Variants in DOCK2 observed in about 807,000 individuals in gnomAD.
The protein encoded by DOCK2 is dedicator of cytokinesis 2.
In DOCK2, 87 loss-of-function variants were observed where a neutral mutation model predicts 248.9. That is an observed-to-expected ratio of 0.35 (90% CI 0.29 to 0.42). The LOEUF (loss-of-function observed/expected upper bound fraction) is 0.42, where lower values mean the gene tolerates loss of function less well. DOCK2 is among the 10% of genes least tolerant of loss of function. The probability of loss-of-function intolerance (pLI) is 1.00; values close to 1 mark genes in which losing one functional copy is unlikely to be tolerated. For missense variants in DOCK2, 1,747 were observed against 2,300.2 expected (o/e 0.76, Z 4.92); for synonymous variants, 805 against 821.6 (o/e 0.98, Z 0.35).
intron 2 of DOCK2, among the ~76,000 whole-genome samples, chr5:169,663,589 G>C (rs1378820722): frequency 6.6e-6 from 1 of 152,188 alleles, no homozygotes; most frequent in East Asian, 1.9e-4. Flanking sequence ...CTCAACTCTT[G>C]TCTCCTGTGC....
intron 27 of DOCK2, chr5:169,881,289 A>C: frequency 8.3e-7 from 1 of 1,210,400 alleles, no homozygotes; most frequent in Non-Finnish European, 1.2e-6. Flanking sequence ...GACTTTTTGC[A>C]TTTAAAAGTT....
chr5:170,012,087 G>A (rs1755319976), intron 32 of DOCK2, among the ~76,000 whole-genome samples: 1 of 152,154 alleles, frequency 6.6e-6, no homozygotes, highest in African/African-American at 2.4e-5. Flanking sequence ...ACATTCCTAA[G>A]GTCAAAAACA....
chr5:170,062,136 A>AG (rs746314434), intron 44 of DOCK2, among the ~76,000 whole-genome samples: 74 of 150,200 alleles, frequency 4.9e-4, no homozygotes, highest in Non-Finnish European at 9.0e-4. Context: ...TGTGAGAGAG[A>AG]GAGAGAGAGA....
chr5:169,713,811 G>A (rs1761719612), intron 17 of DOCK2, among the ~76,000 whole-genome samples: 1 of 152,136 alleles, frequency 6.6e-6, no homozygotes, highest in Non-Finnish European at 1.5e-5. Flanking sequence ...TTCACCTGGT[G>A]GATCAACCCC....
At chr5:169,796,926 C>T (rs984993445) in intron 25 of DOCK2, among the ~76,000 whole-genome samples, 2 of 152,164 alleles carry the variant, frequency 1.3e-5, no homozygotes, top group Non-Finnish European at 2.9e-5. Context: ...TCACAGATGG[C>T]CTCCAGCCAT....
chr5:169,889,745 A>T (rs1171587494), intron 27 of DOCK2, among the ~76,000 whole-genome samples: 2 of 152,228 alleles, frequency 1.3e-5, no homozygotes, highest in African/African-American at 4.8e-5. Flanking sequence ...GACAATATGT[A>T]AACAAATGGC....
intron 27 of DOCK2, among the ~76,000 whole-genome samples, chr5:169,877,259 C>T (rs987987541): frequency 2.6e-5 from 4 of 152,130 alleles, no homozygotes; most frequent in South Asian, 2.1e-4. Context: ...GATTGTTTAG[C>T]GGGGGAGTGA....
intron 22 of DOCK2, among the ~76,000 whole-genome samples, chr5:169,734,664 C>T (rs1762945155): frequency 6.6e-6 from 1 of 152,196 alleles, no homozygotes; most frequent in African/African-American, 2.4e-5. Flanking sequence ...AGAATTCTCA[C>T]TGGAGATATG....
At chr5:170,003,466 A>G (rs1227078817) in intron 30 of DOCK2, among the ~76,000 whole-genome samples, 1 of 152,264 alleles carries the variant, frequency 6.6e-6, no homozygotes, top group Non-Finnish European at 1.5e-5. Flanking sequence ...GTTGCACACA[A>G]TAAGTGCTCC....
At chr5:169,924,601 A>G (rs1775339634) in intron 27 of DOCK2, among the ~76,000 whole-genome samples, 1 of 152,198 alleles carries the variant, frequency 6.6e-6, no homozygotes, top group Non-Finnish European at 1.5e-5. Flanking sequence ...CTATTCAATC[A>G]TGCTGAAGTT....
chr5:169,843,178 T>A (rs1370480674), intron 27 of DOCK2, among the ~76,000 whole-genome samples: 2 of 152,226 alleles, frequency 1.3e-5, no homozygotes, highest in Non-Finnish European at 2.9e-5. Context: ...CCTCTTTCTT[T>A]GCCTGAAATT....
intron 29 of DOCK2, among the ~76,000 whole-genome samples, chr5:169,986,329 C>G (rs542209279): frequency 6.6e-5 from 10 of 152,284 alleles, no homozygotes; most frequent in Admixed American, 3.3e-4. Context: ...AGGACTTCTT[C>G]AAGCTTTTAA....
intron 26 of DOCK2, among the ~76,000 whole-genome samples, chr5:169,836,704 G>A (rs1310975564): frequency 6.6e-6 from 1 of 152,104 alleles, no homozygotes; most frequent in Non-Finnish European, 1.5e-5. Flanking sequence ...ACTGTTTGCT[G>A]CCTGCTCTGA....
intron 27 of DOCK2, among the ~76,000 whole-genome samples, chr5:169,949,517 A>G (rs533663123): frequency 1.9e-4 from 29 of 151,910 alleles, no homozygotes; most frequent in Admixed American, 1.2e-3. Context: ...TGGAGCCTGG[A>G]ACTCCATACT....
intron 2 of DOCK2, among the ~76,000 whole-genome samples, chr5:169,660,794 T>C (rs1445895178): frequency 6.6e-6 from 1 of 152,230 alleles, no homozygotes; most frequent in African/African-American, 2.4e-5. Flanking sequence ...GACAGGTCAC[T>C]TTGAAAAGGA....
intron 26 of DOCK2, among the ~76,000 whole-genome samples, chr5:169,808,432 CA>C (rs1327291911): frequency 6.6e-6 from 1 of 151,254 alleles, no homozygotes; most frequent in Non-Finnish European, 1.5e-5. Context: ...TGGTAGGACT[CA>C]GGGGGAGATG....
chr5:169,716,954 A>C (rs1761945098), intron 20 of DOCK2, among the ~76,000 whole-genome samples: 1 of 152,216 alleles, frequency 6.6e-6, no homozygotes, highest in Admixed American at 6.5e-5. Context: ...ACTGTGGCTT[A>C]ATCAAGTGCT....
At chr5:169,902,849 C>T (rs1292719137) in intron 27 of DOCK2, among the ~76,000 whole-genome samples, 2 of 152,064 alleles carry the variant, frequency 1.3e-5, no homozygotes, top group Non-Finnish European at 2.9e-5. Flanking sequence ...CCTGTAATCC[C>T]AACAGTTTGG....
At chr5:169,925,490 G>T (rs1382226394) in intron 27 of DOCK2, among the ~76,000 whole-genome samples, 1 of 142,070 alleles carries the variant, frequency 7.0e-6, no homozygotes, top group East Asian at 2.2e-4. Context: ...TGAGGCAGAA[G>T]AATCGCTTGA....
Sources: gnomAD v4.1 joint callset for allele counts (sites outside exome capture counted in the v4.1 genomes callset) on GRCh38, gnomAD v4.1.1 for gene constraint, MANE v1.5 for transcripts, NCBI Gene and HGNC (gene_info 2026-07-23, HGNC 2026-07-21) for gene names.